The following ABCA10 variants were observed in gnomAD, a reference collection of about 807,000 sequenced individuals.
ABCA10 encodes the protein ATP binding cassette subfamily A member 10, also known as ATP-binding cassette sub-family A member 10.
A neutral mutation model predicts 187.5 loss-of-function variants in ABCA10; 169 were observed. That is an observed-to-expected ratio of 0.90 (90% CI 0.80 to 1.02). The LOEUF is 1.02. Ranked by LOEUF, ABCA10 falls within the 50% of genes least tolerant of loss-of-function variation. ABCA10 has a pLI of 0.00. For synonymous variants in ABCA10, 574 were observed against 601.8 expected (o/e 0.95, Z 0.68); for missense variants, 1,727 against 1,812.4 (o/e 0.95, Z 0.86).
chr17:69,182,811 A>T lies in ABCA10; in HGVS notation c.2498-3T>A, dbSNP rs773907961. 6.4e-7 allele frequency: 1 copy of T among 1,557,932 alleles called. No homozygotes were observed. On this transcript the variant is annotated splice_region_variant and splice_polypyrimidine_tract_variant and intron_variant, in intron 20 of 38. Coordinates refer to ENST00000690296, the MANE Select transcript of ABCA10 (RefSeq NM_001377321.1). ...CACGAGGTCTTCAATATTTGATCCT[A>T]ACATAGTGGAAGGAAGGCAACAAGA...
chr17:69,150,527 GAAC>G (rs745870627), intron 36 of ABCA10: 24 of 153,416 alleles, frequency 1.6e-4, no homozygotes, highest in Non-Finnish European at 3.2e-4. Flanking sequence ...ACAATCCAAG[GAAC>G]ACTCTTCAGT....
At chr17:69,164,350 A>G (rs1212939927) in intron 26 of ABCA10, among the ~76,000 whole-genome samples, 196 bp from the exon 27 acceptor site, 1 of 152,108 alleles carries the variant, frequency 6.6e-6, no homozygotes, top group Non-Finnish European at 1.5e-5. Context: ...GAACTCCAAC[A>G]CTGTTTATTT....
rs2074108678 is a variant in ABCA10, at chr17:69,149,019, C to G, written c.4533+14G>C. On this transcript the variant is annotated intron_variant, in intron 38 of 38. Coordinates refer to ENST00000690296, the MANE Select transcript of ABCA10 (RefSeq NM_001377321.1). ...GTCATCTGGATGGTGCTCACTCGTT[C>G]AATGAAAACCCACCTGCTCCAAGGT... 6.2e-7 allele frequency: 1 copy of G among 1,613,672 alleles called. No homozygotes were observed. The highest frequency in any genetic ancestry group is 1.7e-5 in the Admixed American group (1 of 59,950).
intron 13 of ABCA10, 94 bp downstream of exon 13, chr17:69,193,720 A>G: frequency 6.4e-7 from 1 of 1,554,804 alleles, no homozygotes; most frequent in Non-Finnish European, 8.7e-7. Context: ...ATTAAGCTTT[A>G]CCTATCAAAG....
rs2074245824 is a variant in ABCA10, at chr17:69,165,069, T to C, written c.3177A>G (p.Val1059=). 1 of 1,567,018 alleles carries C rather than the reference T, an allele frequency of 6.4e-7. No homozygotes were observed. Among genetic ancestry groups the C allele is most frequent in the East Asian group, 2.2e-5 (1 of 44,512 alleles). Residue 1059 remains valine, a synonymous_variant, in exon 26 of 39, where the codon GTA becomes GTG. Transcript: ENST00000690296. ...SFGFFIILIC[V]STIMVSTQYE... ...ATTGAGTTGATACCATAATTGTGGA[T>C]ACACATATTAAGATCTAGAAAAAAA... is the stretch of plus-strand genomic sequence containing the variant.
chr17:69,182,120 T>C (rs761882846), intron 22 of ABCA10, 33 bp downstream of exon 22: 9 of 1,522,190 alleles, frequency 5.9e-6, no homozygotes, highest in Admixed American at 2.1e-5. Context: ...CTCTGCTGTG[T>C]TGCCTCTTAT....
At chr17:69,188,481 G>T (rs1390580190) in intron 18 of ABCA10, among the ~76,000 whole-genome samples, 1 of 150,306 alleles carries the variant, frequency 6.7e-6, no homozygotes, top group African/African-American at 2.5e-5. Context: ...ACAATGGCTG[G>T]TATCTAGTAG....
At chr17:69,195,605 G>C (rs1456965996) in intron 11 of ABCA10, among the ~76,000 whole-genome samples, 1 of 98,710 alleles carries the variant, frequency 1.0e-5, no homozygotes, top group Non-Finnish European at 1.9e-5. Context: ...GTGTTTCTCA[G>C]AGAGGGGGAT....
intron 23 of ABCA10, 38 bp from the exon 24 acceptor site, chr17:69,174,815 G>A (rs2074322849): frequency 6.8e-7 from 1 of 1,468,650 alleles, no homozygotes; most frequent in African/African-American, 1.4e-5. Context: ...AGGGATCTTA[G>A]TTTGAAAAGA....
intron 1 of ABCA10, among the ~76,000 whole-genome samples, chr17:69,238,274 A>G (rs765482500): frequency 6.6e-5 from 10 of 152,056 alleles, no homozygotes; most frequent in Non-Finnish European, 1.2e-4. Flanking sequence ...TTGATTTTAG[A>G]CTTTTGGCCT....
chr17:69,161,329 A>C (rs1362235096), intron 27 of ABCA10, among the ~76,000 whole-genome samples: 1 of 152,212 alleles, frequency 6.6e-6, no homozygotes, highest in Non-Finnish European at 1.5e-5. Context: ...TCTTCTCACA[A>C]CATTGTAAAT....
At chr17:69,187,015 CAG>C (rs2074426394) in intron 19 of ABCA10, among the ~76,000 whole-genome samples, 1 of 151,732 alleles carries the variant, frequency 6.6e-6, no homozygotes, top group South Asian at 2.1e-4. Flanking sequence ...TTGTTCACTA[CAG>C]TAGTAAAACT....
intron 18 of ABCA10, among the ~76,000 whole-genome samples, chr17:69,189,888 A>G (rs938802428): frequency 6.6e-6 from 1 of 152,104 alleles, no homozygotes; most frequent in Non-Finnish European, 1.5e-5. Context: ...TATGTATAGT[A>G]GCCTCCTAAA....
At position 69,182,138 on chromosome 17, in the gene ABCA10, G is replaced by A. The variant is rs201931941; in HGVS notation, c.2769+15C>T. On this transcript the variant is annotated intron_variant, in intron 22 of 38. Coordinates refer to ENST00000690296, the MANE Select transcript of ABCA10 (RefSeq NM_001377321.1). ...TGCTGTGTTGCCTCTTATATAAGTC[G>A]AATACTCTACTTACACGAGAAAATG... is the stretch of plus-strand genomic sequence containing the variant. 1.2e-5 allele frequency: 19 copies of A among 1,545,562 alleles called. No individual in the cohort carries two copies. The Admixed American group carries it at 1.3e-4, about 11-fold the overall frequency.
At chr17:69,217,301 T>C (rs9898078) in intron 6 of ABCA10, among the ~76,000 whole-genome samples, 1 of 151,996 alleles carries the variant, frequency 6.6e-6, no homozygotes, top group East Asian at 1.9e-4. Context: ...ATAACTGTGA[T>C]TGAATGTCGG....
chr17:69,200,642 C>A (rs1336432260), intron 10 of ABCA10, among the ~76,000 whole-genome samples: 4 of 152,258 alleles, frequency 2.6e-5, no homozygotes, highest in African/African-American at 9.6e-5. Flanking sequence ...TATTATGTAA[C>A]AGGCATATAT....
rs1371124332 is a variant in ABCA10 at position 69,215,898 on chromosome 17, C to G, written c.775G>C (p.Val259Leu). ...GATAAAGGAAGTTGTCTATATAACA[C>G]AGTGAATCCCAGACATCCCCAAAAT... Reference protein sequence around the residue: ...TVFWGCLGFTVLYRQLPLSLG... With the variant: ...TVFWGCLGFTLLYRQLPLSLG... Residue 259 changes from valine (V) to leucine (L), a missense_variant, in exon 8 of 39, where the codon GTG becomes CTG. Physicochemically the swap from Val to Leu is conservative, Grantham distance 32 (BLOSUM62 1). Coordinates refer to ENST00000690296, the MANE Select transcript of ABCA10 (RefSeq NM_001377321.1). 6.2e-7 allele frequency: 1 copy of G among 1,613,906 alleles called. No homozygotes were observed. The highest frequency in any genetic ancestry group is 1.7e-5 in the Admixed American group (1 of 60,016).
intron 20 of ABCA10, among the ~76,000 whole-genome samples, chr17:69,185,052 G>A (rs1439776107): frequency 1.3e-5 from 2 of 152,004 alleles, no homozygotes; most frequent in East Asian, 3.9e-4. Context: ...CTCAGGAATG[G>A]AAAACCAAAC....
intron 22 of ABCA10, among the ~76,000 whole-genome samples, chr17:69,179,919 C>T (rs2074366222): frequency 6.6e-6 from 1 of 152,144 alleles, no homozygotes; most frequent in Non-Finnish European, 1.5e-5. Flanking sequence ...AGCATACATT[C>T]AATTCTGAAA....
Sources: gnomAD v4.1 joint callset for allele counts (sites outside exome capture counted in the v4.1 genomes callset) on GRCh38, gnomAD v4.1.1 for gene constraint, MANE v1.5 for transcripts, NCBI Gene and HGNC (gene_info 2026-07-23, HGNC 2026-07-21) for gene names.